The following EXOC6 variants were observed in gnomAD, a reference collection of about 807,000 sequenced individuals.
EXOC6 encodes the protein exocyst complex component 6, also known as SEC15-like 1.
A neutral mutation model predicts 112.5 loss-of-function variants in EXOC6; 60 were observed. The ratio of observed to expected loss-of-function variants is 0.53; its 90% CI spans 0.43 to 0.66. The LOEUF is 0.66. Among genes scored for constraint, EXOC6 ranks in the 30% least tolerant of loss-of-function variants. The pLI is 0.00. For missense variants in EXOC6, 855 were observed against 957.1 expected (o/e 0.89, Z 1.41); for synonymous variants, 295 against 308.0 (o/e 0.96, Z 0.44).
At chr10:93,039,950 T>G (rs1845684341) in intron 20 of EXOC6, among the ~76,000 whole-genome samples, 1 of 152,236 alleles carries the variant, frequency 6.6e-6, no homozygotes, top group African/African-American at 2.4e-5. Context: ...GCTACACGTG[T>G]GAATGAGATT....
upstream of EXOC6, among the ~76,000 whole-genome samples, chr10:92,830,695 C>T (rs940458430): frequency 1.3e-5 from 2 of 152,110 alleles, no homozygotes; most frequent in Non-Finnish European, 2.9e-5. Context: ...ATATGTCTCC[C>T]GACATTTCCC....
At chr10:92,908,605 A>G (rs1428025009) in intron 5 of EXOC6, among the ~76,000 whole-genome samples, 1 of 152,188 alleles carries the variant, frequency 6.6e-6, no homozygotes, top group Non-Finnish European at 1.5e-5. Context: ...CTACGAATTA[A>G]TATGGTTTCT....
At chr10:92,988,666 A>G (rs542827442) in intron 18 of EXOC6, among the ~76,000 whole-genome samples, 74 of 152,258 alleles carry the variant, frequency 4.9e-4, no homozygotes, top group South Asian at 1.2e-3. Flanking sequence ...CTCTTTCCAC[A>G]TATATTTCTG....
chr10:93,008,917 A>G (rs1451490584), intron 19 of EXOC6, among the ~76,000 whole-genome samples: 1 of 152,220 alleles, frequency 6.6e-6, no homozygotes, highest in East Asian at 1.9e-4. Flanking sequence ...ATAAATACAT[A>G]TGGCTAGGAA....
intron 1 of EXOC6, among the ~76,000 whole-genome samples, chr10:92,829,008 G>T (rs1405262629): frequency 1.3e-5 from 2 of 152,056 alleles, no homozygotes; most frequent in African/African-American, 4.8e-5. Flanking sequence ...CTGTAAAATC[G>T]AGTTACAGAT....
At position 93,000,711 on chromosome 10, in the gene EXOC6, C is replaced by G. The variant is rs575193674; in HGVS notation, c.2095+3096C>G. Among the ~76,000 whole-genome samples, 12 of 152,266 alleles carry G rather than the reference C, an allele frequency of 7.9e-5. No homozygotes were observed. In the South Asian group the frequency reaches 2.5e-3, roughly 32 times the overall value. ...TTACCTTAATCATTACTTCTGAATA[C>G]AGTAACATGCATTTACTACTGATGG... On this transcript the variant is annotated intron_variant, in intron 19 of 21. Transcript: ENST00000260762.
chr10:92,963,099 A>T (rs190092374), intron 17 of EXOC6, among the ~76,000 whole-genome samples: 5 of 152,350 alleles, frequency 3.3e-5, no homozygotes, highest in Admixed American at 3.3e-4. Context: ...AGTTATATTC[A>T]GACATTCAGA....
intron 1 of EXOC6, among the ~76,000 whole-genome samples, chr10:92,890,381 C>T (rs1193416140): frequency 1.4e-5 from 2 of 146,144 alleles, no homozygotes; most frequent in Non-Finnish European, 3.0e-5. Context: ...TTTCTAATTC[C>T]ATCCATTCAT....
chr10:92,916,042 A>G (rs1851063897), intron 7 of EXOC6, 129 bp downstream of exon 7: 1 of 645,516 alleles, frequency 1.5e-6, no homozygotes, highest in Non-Finnish European at 2.4e-6. Flanking sequence ...GTCAGAGTCA[A>G]AATGGAGTCA....
intron 11 of EXOC6, 103 bp from the exon 12 acceptor site, chr10:92,935,711 A>T: frequency 2.4e-6 from 2 of 850,348 alleles, no homozygotes; most frequent in Non-Finnish European, 3.8e-6. Context: ...AGTCTGGCAG[A>T]TTAAAAGAAA....
intron 20 of EXOC6, among the ~76,000 whole-genome samples, chr10:93,050,759 CAAAAAAAAAA>C (rs58439083): frequency 5.4e-5 from 2 of 37,306 alleles, no homozygotes; most frequent in Non-Finnish European, 8.8e-5. Context: ...GACTCCGTCT[CAAAAAAAAAA>C]AAAAAAAAAA....
At chr10:93,038,040 CAAAAAAAAA>C (rs1156726278) in intron 20 of EXOC6, among the ~76,000 whole-genome samples, 3 of 26,580 alleles carry the variant, frequency 1.1e-4, no homozygotes, top group South Asian at 1.1e-3. Context: ...ACTCCGTCTC[CAAAAAAAAA>C]AAAAAAAAAA....
chr10:92,955,388 GTATATATA>G (rs199547769), intron 16 of EXOC6, among the ~76,000 whole-genome samples, 184 bp from the exon 17 acceptor site: 3 of 147,672 alleles, frequency 2.0e-5, no homozygotes, highest in Non-Finnish European at 3.0e-5. Context: ...GTGTGTGTGT[GTATATATA>G]TATATATATA....
chr10:92,924,690 T>G (rs1851612624), intron 8 of EXOC6, among the ~76,000 whole-genome samples: 1 of 152,322 alleles, frequency 6.6e-6, no homozygotes, highest in South Asian at 2.1e-4. Flanking sequence ...TACTTTTATT[T>G]ATTTTAGTAG....
chr10:92,923,059 A>G (rs1206750601), intron 8 of EXOC6, among the ~76,000 whole-genome samples: 3 of 152,130 alleles, frequency 2.0e-5, no homozygotes, highest in Non-Finnish European at 4.4e-5. Flanking sequence ...GCTAGAAGCT[A>G]CCCCACATCA....
At position 92,896,119 on chromosome 10, in the gene EXOC6, A is replaced by G. The variant is rs61208633; in HGVS notation, c.412+1099A>G. ...TGTGTGTATATATATGTGTATATATATGTGTGTGTGTGTGTGTGTATGTAT... is the reference window on the plus strand; with the variant it reads ...TGTGTGTATATATATGTGTATATATGTGTGTGTGTGTGTGTGTGTATGTAT... On this transcript the variant is annotated intron_variant, in intron 4 of 21. Coordinates refer to ENST00000260762, the MANE Select transcript of EXOC6 (RefSeq NM_019053.6). Among the ~76,000 whole-genome samples, 73 of 21,566 alleles carry G rather than the reference A, an allele frequency of 3.4e-3. 3 individuals carry two copies. Among genetic ancestry groups the G allele is most frequent in the East Asian group, 0.01 (1 of 96 alleles). The allele number at this position is 21,566 out of a possible 152,430, so 14.1% of individuals were successfully genotyped here. A position where few individuals can be genotyped will look rare whatever the true frequency, so the allele number is the denominator to read the frequency against.
intron 1 of EXOC6, among the ~76,000 whole-genome samples, chr10:92,888,828 GTTAT>G (rs1361955479): frequency 6.6e-6 from 1 of 152,128 alleles, no homozygotes; most frequent in African/African-American, 2.4e-5. Flanking sequence ...TAGAAATAAT[GTTAT>G]TTAGTTAATA....
At chr10:92,885,973 G>A (rs947461859) in intron 1 of EXOC6, among the ~76,000 whole-genome samples, 6 of 152,110 alleles carry the variant, frequency 3.9e-5, no homozygotes, top group African/African-American at 1.4e-4. Flanking sequence ...GCTGGTTCTA[G>A]CATATAAATA....
chr10:92,960,592 CAA>C (rs56016433), intron 17 of EXOC6, among the ~76,000 whole-genome samples: 21 of 112,936 alleles, frequency 1.9e-4, no homozygotes, highest in Non-Finnish European at 2.3e-4. Flanking sequence ...ATTTAAATTG[CAA>C]AAAAAAAAAA....
Sources: gnomAD v4.1 joint callset for allele counts (sites outside exome capture counted in the v4.1 genomes callset) on GRCh38, gnomAD v4.1.1 for gene constraint, MANE v1.5 for transcripts, NCBI Gene and HGNC (gene_info 2026-07-23, HGNC 2026-07-21) for gene names.